Variants in SLC4A5 observed in about 807,000 individuals in gnomAD.
SLC4A5 encodes electrogenic sodium bicarbonate cotransporter 4.
A neutral mutation model predicts 120.4 loss-of-function variants in SLC4A5; 96 were observed. The observed-to-expected ratio is 0.80, with a 90% CI of 0.68 to 0.94. The LOEUF is 0.94. SLC4A5 is among the 40% of genes least tolerant of loss of function. SLC4A5 has a pLI of 0.00. For missense variants in SLC4A5, 1,259 were observed against 1,459.5 expected, an observed-to-expected ratio of 0.86 and a Z score of 2.24; for synonymous variants, 550 against 571.1, an observed-to-expected ratio of 0.96 and a Z score of 0.53.
exon 7 of SLC4A5, chr2:74,304,539 C>T: frequency 6.2e-7 from 1 of 1,614,148 alleles, no homozygotes; most frequent in Non-Finnish European, 8.5e-7. Flanking sequence ...TGCCCCACTC[C>T]CTGGGCCAGT....
chr2:74,248,578 G>A lies in SLC4A5; in HGVS notation c.1654-92C>T, dbSNP rs189586196. On this transcript the variant is annotated intron_variant, in intron 17 of 30. Transcript: ENST00000394019. ...CCCCAGCGATCTCTCCACGGGCCCA[G>A]GCCACAGTGTTTATCCTTCGTTCTG... 130 of 1,462,328 alleles carry A rather than the reference G, an allele frequency of 8.9e-5. 1 individual carries two copies. The East Asian group carries it at 3.1e-3, about 35-fold the overall frequency. 90.6% of individuals were successfully genotyped at this position (1,462,328 alleles called of 1,614,324 possible).
chr2:74,289,619 T>C (rs1465006366), intron 7 of SLC4A5, among the ~76,000 whole-genome samples: 3 of 152,220 alleles, frequency 2.0e-5, no homozygotes, highest in Non-Finnish European at 4.4e-5. Flanking sequence ...ACCCAGCCTA[T>C]TACTTTTAAC....
At chr2:74,318,636 T>C (rs564904346) in intron 5 of SLC4A5, among the ~76,000 whole-genome samples, 11 of 151,926 alleles carry the variant, frequency 7.2e-5, no homozygotes, top group East Asian at 5.8e-4. Context: ...CAGACCGAGA[T>C]TGTGCCACTG....
intron 7 of SLC4A5, among the ~76,000 whole-genome samples, chr2:74,289,724 A>G (rs1284284295): frequency 1.3e-5 from 2 of 152,194 alleles, no homozygotes; most frequent in Admixed American, 6.5e-5. Context: ...AACAATTGAG[A>G]AAATAACCTT....
exon 30 of SLC4A5, chr2:74,221,445 T>G (rs1182321430): frequency 1.2e-6 from 2 of 1,612,862 alleles, no homozygotes; most frequent in East Asian, 2.2e-5. Context: ...TTCGGTCAAG[T>G]TCTGTGTCAC....
At chr2:74,317,858 A>T (rs897802326) in intron 5 of SLC4A5, among the ~76,000 whole-genome samples, 1 of 152,252 alleles carries the variant, frequency 6.6e-6, no homozygotes, top group African/African-American at 2.4e-5. Context: ...TCTATCATTC[A>T]ACAAGTCCAG....
At chr2:74,291,382 G>C (rs760149945) in intron 7 of SLC4A5, among the ~76,000 whole-genome samples, 4 of 152,206 alleles carry the variant, frequency 2.6e-5, no homozygotes, top group Non-Finnish European at 4.4e-5. Flanking sequence ...GCTGCTCCAG[G>C]GAGTTACAAA....
intron 14 of SLC4A5, 42 bp from the exon 15 acceptor site, chr2:74,253,170 T>C: frequency 2.5e-6 from 4 of 1,611,400 alleles, no homozygotes; most frequent in Non-Finnish European, 3.4e-6. Flanking sequence ...ATCGGGTCTG[T>C]TTCTGAAATG....
In SLC4A5 at chr2:74,301,869, C is replaced by T. The variant is rs372140279; in HGVS notation, c.271+2620G>A. 1.6e-4 allele frequency among the ~76,000 whole-genome samples: 25 copies of T among 152,198 alleles called. No homozygotes were observed. The East Asian group carries it at 3.7e-3, about 22-fold the overall frequency. ...ACCAGGCTTTGTGGCTTCCTTAAAC[C>T]GGAGTGTCTGGAACTGGGGTCTGGA... On this transcript the variant is annotated intron_variant, in intron 7 of 30. Coordinates refer to ENST00000394019, the Ensembl canonical transcript of SLC4A5.
At chr2:74,303,664 G>A (rs1672544645) in intron 7 of SLC4A5, among the ~76,000 whole-genome samples, 1 of 152,114 alleles carries the variant, frequency 6.6e-6, no homozygotes, top group African/African-American at 2.4e-5. Flanking sequence ...GCAGAGGAAG[G>A]CCTGGGGGCT....
chr2:74,343,114 G>A (rs955795460), intron 1 of SLC4A5, among the ~76,000 whole-genome samples: 2 of 152,296 alleles, frequency 1.3e-5, no homozygotes, highest in African/African-American at 2.4e-5. Flanking sequence ...GGAAAACCTC[G>A]TCATTCCGTT....
chr2:74,337,970 G>C (rs1160706850), intron 3 of SLC4A5, among the ~76,000 whole-genome samples: 1 of 152,192 alleles, frequency 6.6e-6, no homozygotes, highest in Non-Finnish European at 1.5e-5. Flanking sequence ...GGTGTGGCTG[G>C]AGCCCAGTGG....
At chr2:74,267,649 G>A (rs1195094998) in intron 8 of SLC4A5, among the ~76,000 whole-genome samples, 2 of 152,230 alleles carry the variant, frequency 1.3e-5, no homozygotes, top group Admixed American at 1.3e-4. Context: ...GATTGTTGTT[G>A]GGGCGGGATT....
At chr2:74,277,030 C>A in intron 8 of SLC4A5, among the ~76,000 whole-genome samples, 1 of 152,164 alleles carries the variant, frequency 6.6e-6, no homozygotes, top group South Asian at 2.1e-4. Context: ...AGAGATCATG[C>A]CCCTGGGGAC....
chr2:74,269,294 C>T (rs1049758560), intron 8 of SLC4A5, among the ~76,000 whole-genome samples: 5 of 152,112 alleles, frequency 3.3e-5, no homozygotes, highest in African/African-American at 7.2e-5. Flanking sequence ...GCAACCTCTG[C>T]CTCCGTGGTT....
intron 10 of SLC4A5, 152 bp downstream of exon 10, chr2:74,263,995 C>G: frequency 9.8e-7 from 1 of 1,022,576 alleles, no homozygotes; most frequent in Non-Finnish European, 1.4e-6. Context: ...GGCTGGGGTC[C>G]CCACAGGCCT....
chr2:74,308,016 G>T (rs761787161), intron 6 of SLC4A5: 3 of 538,458 alleles, frequency 5.6e-6, no homozygotes, highest in East Asian at 1.0e-4. Context: ...CATGCTGTCC[G>T]GGGAGGAGAG....
chr2:74,262,333 A>ACATGTCTC (rs1671165539), intron 10 of SLC4A5, 101 bp from the exon 11 acceptor site: 1 of 742,258 alleles, frequency 1.3e-6, no homozygotes, highest in Non-Finnish European at 2.2e-6. Flanking sequence ...GGGTGGCAAG[A>ACATGTCTC]CATGTCTCTT....
intron 6 of SLC4A5, chr2:74,306,925 C>T (rs1672662487): frequency 3.3e-6 from 2 of 614,620 alleles, no homozygotes. Context: ...TTCAGCAGGG[C>T]CTTGTACTCC....
Sources: allele counts gnomAD v4.1 joint callset (sites outside exome capture counted in the v4.1 genomes callset), GRCh38; gene constraint gnomAD v4.1.1; transcripts MANE v1.5; gene names NCBI Gene and HGNC (gene_info 2026-07-23, HGNC 2026-07-21).